R3HDM1: variants seen among roughly 807,000 people sequenced by gnomAD.
The protein encoded by R3HDM1 is R3H domain-containing protein 1.
Under a neutral mutation model 141.1 loss-of-function variants are expected in R3HDM1, and 46 were observed. The observed-to-expected ratio is 0.33, with a 90% confidence interval of 0.26 to 0.42. The LOEUF is 0.42. R3HDM1 is among the 10% of genes least tolerant of loss of function. R3HDM1 has a pLI of 1.00. For missense variants in R3HDM1, 1,184 were observed against 1,368.3 expected (o/e 0.87, Z 2.12); for synonymous variants, 435 against 472.9 (o/e 0.92, Z 1.04).
intron 3 of R3HDM1, among the ~76,000 whole-genome samples, chr2:135,607,041 T>C (rs1355836535): frequency 2.6e-5 from 4 of 152,012 alleles, no homozygotes; most frequent in Non-Finnish European, 5.9e-5. Context: ...CAGGCTGGAG[T>C]GTAGTGGCGC....
chr2:135,611,833 C>T (rs1042330667), intron 3 of R3HDM1, among the ~76,000 whole-genome samples: 15 of 152,088 alleles, frequency 9.9e-5, no homozygotes, highest in South Asian at 2.1e-4. Context: ...TCTTGTGCTG[C>T]GTAAAGATGT....
At chr2:135,583,247 T>C (rs56975343) in intron 1 of R3HDM1, among the ~76,000 whole-genome samples, 8,442 of 152,274 alleles carry the variant, frequency 0.055, 448 homozygotes, top group African/African-American at 0.14. Flanking sequence ...ATACTGATTT[T>C]TTTTTCAGCA....
rs768524073 is a variant in R3HDM1 at position 135,680,300 on chromosome 2, C to T, written c.2435C>T (p.Pro812Leu). Reference sequence around the variant, plus strand: ...ATGCCTGTTTACTATAGTGTCATTCCACCTGGTCAACAAAACAATTTAAGG... The same window carrying T: ...ATGCCTGTTTACTATAGTGTCATTCTACCTGGTCAACAAAACAATTTAAGG... ...TGMPVYYSVI[P>L]PGQQNNLSSS... Residue 812 changes from proline to leucine, a missense_variant, in exon 21 of 27, where the codon CCA (proline) becomes CTA (leucine). Pro to Leu is a moderately conservative substitution (Grantham distance 98, BLOSUM62 -3). Transcript: ENST00000683871. The T allele has an allele frequency of 1.1e-5, 17 of 1,613,968 alleles. No individual in the cohort carries two copies. The highest frequency in any genetic ancestry group is 1.2e-5 in the Non-Finnish European group (14 of 1,179,932).
In R3HDM1 at chr2:135,638,745, A is replaced by G. The variant is rs759098193; in HGVS notation, c.948A>G (p.Gln316=). ...QENYIIDKRL[Q]DEDASSTQQR... ...CCTATTAAAATGCCAACAGACTCCA[A>G]GACGAGGATGCCAGTAGTACCCAGC... Residue 316 remains glutamine (Q), a synonymous_variant, in exon 13 of 27, where the codon CAA becomes CAG. Transcript: ENST00000683871. 6.2e-7 allele frequency: 1 copy of G among 1,614,110 alleles called. No homozygotes were observed. Among genetic ancestry groups the G allele is most frequent in the African/African-American group, 1.3e-5 (1 of 75,064 alleles).
Position 135,639,255 on chromosome 2 carries a change from C to T in R3HDM1, c.1219+133C>T, listed in dbSNP as rs377140829. On this transcript the variant is annotated intron_variant, in intron 14 of 26. Coordinates refer to ENST00000683871, the MANE Select transcript of R3HDM1 (RefSeq NM_001378107.1). ...CTATCAATAGTACCTTGACCACCTC[C>T]GGAGCACTTAAGGGGTAATATGTTT... 82 of 788,130 alleles carry T rather than the reference C, an allele frequency of 1.0e-4. 1 individual carries two copies. The highest frequency in any genetic ancestry group is 3.3e-4 in the African/African-American group (19 of 57,036). The allele number at this position is 788,130 out of a possible 1,614,324, so 48.8% of individuals were successfully genotyped here. A position where few individuals can be genotyped will look rare whatever the true frequency, so the allele number is the denominator to read the frequency against.
intron 1 of R3HDM1, among the ~76,000 whole-genome samples, chr2:135,569,728 TGTTGTTG>T (rs150111014): frequency 1.5e-4 from 21 of 137,966 alleles, no homozygotes; most frequent in East Asian, 4.2e-4. Context: ...CTTTTTTTTT[TGTTGTTG>T]TTTTTTTTGG....
rs1045643310 is a variant in R3HDM1 at position 135,641,757 on chromosome 2, C to T, written c.1441C>T (p.Pro481Ser). The change falls in exon 15 of 27, where the codon CCA becomes TCA. Residue 481 changes from proline (P) to serine (S), a missense_variant. Physicochemically the swap from Pro to Ser is moderately conservative, Grantham distance 74. Coordinates refer to ENST00000683871, the MANE Select transcript of R3HDM1 (RefSeq NM_001378107.1). ...GCTTCCCTTGGAAGCGGCAGGCATA[C>T]CACCTGGCAGTATTCTGATCAACCC... Reference protein sequence around the residue: ...FLLPLEAAGIPPGSILINPQT... With the variant: ...FLLPLEAAGISPGSILINPQT... 2 of 1,614,028 alleles carry T rather than the reference C, an allele frequency of 1.2e-6. No homozygotes were observed. The highest frequency in any genetic ancestry group is 4.5e-5 in the East Asian group (2 of 44,876).
chr2:135,613,491 TAAGGTCA>T (rs1242035869), intron 3 of R3HDM1, among the ~76,000 whole-genome samples: 5 of 152,290 alleles, frequency 3.3e-5, no homozygotes, highest in Non-Finnish European at 7.4e-5. Flanking sequence ...AATTGTATCT[TAAGGTCA>T]CTTGGCTTGG....
chr2:135,670,530 A>G, intron 19 of R3HDM1: 2 of 507,316 alleles, frequency 3.9e-6, no homozygotes, highest in Non-Finnish European at 5.1e-6. Flanking sequence ...AGATTTTGAA[A>G]TAGTCTGTGT....
At chr2:135,557,579 T>C (rs1701022899) in intron 1 of R3HDM1, among the ~76,000 whole-genome samples, 1 of 152,160 alleles carries the variant, frequency 6.6e-6, no homozygotes, top group Non-Finnish European at 1.5e-5. Flanking sequence ...CCAGGAAAAA[T>C]TGGTTACTAT....
chr2:135,533,430 G>C (rs1373441840), intron 1 of R3HDM1, among the ~76,000 whole-genome samples: 2 of 152,182 alleles, frequency 1.3e-5, no homozygotes, highest in East Asian at 3.9e-4. Context: ...TTCAGATCTT[G>C]GGTGATTTAT....
At chr2:135,614,629 T>A (rs759003650) in intron 3 of R3HDM1, among the ~76,000 whole-genome samples, 1 of 152,240 alleles carries the variant, frequency 6.6e-6, no homozygotes, top group African/African-American at 2.4e-5. Flanking sequence ...AGGATTTACA[T>A]TGACAGTTAA....
chr2:135,541,872 GAA>G (rs1697647322), intron 1 of R3HDM1, among the ~76,000 whole-genome samples: 1 of 127,076 alleles, frequency 7.9e-6, no homozygotes, highest in Non-Finnish European at 1.7e-5. Flanking sequence ...AAAAAAAAAA[GAA>G]AGAAAGAAAG....
intron 16 of R3HDM1, among the ~76,000 whole-genome samples, chr2:135,648,447 T>G (rs530893350): frequency 6.6e-6 from 1 of 152,274 alleles, no homozygotes; most frequent in South Asian, 2.1e-4. Flanking sequence ...TTCCATTAGT[T>G]TATCTAACAT....
At chr2:135,532,762 C>A (rs1695198805) in intron 1 of R3HDM1, among the ~76,000 whole-genome samples, 3 of 152,142 alleles carry the variant, frequency 2.0e-5, no homozygotes, top group Admixed American at 1.3e-4. Context: ...TAATTGGACA[C>A]GTCTCAATTT....
intron 17 of R3HDM1, chr2:135,651,333 G>T (rs533060186): frequency 3.5e-5 from 34 of 983,906 alleles, no homozygotes; most frequent in Admixed American, 6.1e-5. Flanking sequence ...ATACTAATTA[G>T]TACCTTGCTC....
chr2:135,565,321 A>G (rs1418724555), intron 1 of R3HDM1, among the ~76,000 whole-genome samples: 1 of 136,076 alleles, frequency 7.3e-6, no homozygotes, highest in Non-Finnish European at 1.5e-5. Context: ...CAATGAAAAA[A>G]AATTATTATT....
At chr2:135,613,330 T>C (rs1435168221) in intron 3 of R3HDM1, among the ~76,000 whole-genome samples, 1 of 152,192 alleles carries the variant, frequency 6.6e-6, no homozygotes, top group Non-Finnish European at 1.5e-5. Flanking sequence ...ATAGTCCTCC[T>C]TACATGGCCC....
intron 1 of R3HDM1, among the ~76,000 whole-genome samples, chr2:135,562,656 A>G (rs1245127139): frequency 6.6e-6 from 1 of 152,202 alleles, no homozygotes; most frequent in Non-Finnish European, 1.5e-5. Flanking sequence ...TTACACCTTC[A>G]GGTTCATGAA....
Sources: allele counts gnomAD v4.1 joint callset (sites outside exome capture counted in the v4.1 genomes callset), GRCh38; gene constraint gnomAD v4.1.1; transcripts MANE v1.5; gene names NCBI Gene and HGNC (gene_info 2026-07-23, HGNC 2026-07-21).